KCNQ3: variants seen among roughly 807,000 people sequenced by gnomAD.
KCNQ3 encodes potassium voltage-gated channel subfamily Q member 3.
A neutral mutation model predicts 92.5 loss-of-function variants in KCNQ3; 30 were observed. The ratio of observed to expected loss-of-function variants is 0.32; its 90% confidence interval spans 0.24 to 0.44. The LOEUF is 0.44. Ranked by LOEUF, KCNQ3 falls within the 20% of genes least tolerant of loss-of-function variation. The pLI, the probability that KCNQ3 is intolerant of heterozygous loss-of-function variation, is 1.00. For synonymous variants in KCNQ3, 450 were observed against 468.8 expected (o/e 0.96, Z 0.52); for missense variants, 913 against 1,140.3 (o/e 0.80, Z 2.87).
At chr8:132,420,102 A>T (rs1366206851) in intron 1 of KCNQ3, among the ~76,000 whole-genome samples, 3 of 152,110 alleles carry the variant, frequency 2.0e-5, no homozygotes, top group African/African-American at 7.2e-5. Flanking sequence ...GTGCAGACTG[A>T]CACCTTCTCC....
At chr8:132,303,623 TATATATATGG>T (rs1563849816) in intron 1 of KCNQ3, among the ~76,000 whole-genome samples, 1 of 64,172 alleles carries the variant, frequency 1.6e-5, no homozygotes, top group African/African-American at 8.4e-5. Context: ...TATATATATA[TATATATATGG>T]TGTATATATA....
At chr8:132,347,176 T>C (rs997424766) in intron 1 of KCNQ3, among the ~76,000 whole-genome samples, 2 of 152,198 alleles carry the variant, frequency 1.3e-5, no homozygotes, top group African/African-American at 4.8e-5. Flanking sequence ...AAATAAGTTA[T>C]GGTAAACAAA....
intron 1 of KCNQ3, among the ~76,000 whole-genome samples, chr8:132,322,985 C>T (rs1038727699): frequency 1.3e-5 from 2 of 152,146 alleles, no homozygotes; most frequent in Non-Finnish European, 2.9e-5. Context: ...CCCTTTGTTT[C>T]AGAGAGCAGT....
chr8:132,379,490 A>G (rs528295360), intron 1 of KCNQ3, among the ~76,000 whole-genome samples: 1 of 152,176 alleles, frequency 6.6e-6, no homozygotes, highest in South Asian at 2.1e-4. Flanking sequence ...TTTTCTGTAC[A>G]TAACATGCAC....
intron 1 of KCNQ3, among the ~76,000 whole-genome samples, chr8:132,231,205 C>A (rs887607251): frequency 6.6e-6 from 1 of 152,174 alleles, no homozygotes. Context: ...CCTGTCAATA[C>A]CTTGATTTCA....
chr8:132,186,002 C>T (rs890629485), intron 2 of KCNQ3, 89 bp downstream of exon 2: 3 of 930,398 alleles, frequency 3.2e-6, no homozygotes, highest in African/African-American at 1.6e-5. Flanking sequence ...AAGCTGCAAC[C>T]AGTCAGGGAG....
intron 1 of KCNQ3, among the ~76,000 whole-genome samples, chr8:132,200,897 T>C (rs1467280310): frequency 6.6e-6 from 1 of 152,150 alleles, no homozygotes; most frequent in African/African-American, 2.4e-5. Context: ...CCTTTTTCGG[T>C]TGCTATAACA....
rs1369443312 is a variant in KCNQ3 at position 132,133,600 on chromosome 8, C to T, written c.1799+690G>A. 9.9e-5 allele frequency among the ~76,000 whole-genome samples: 15 copies of T among 152,232 alleles called. No homozygotes were observed. In the East Asian group the frequency reaches 2.9e-3, roughly 29 times the overall value. ...CGAGCTCCTGACCTCATGATCCACC[C>T]GCCTCAGCCTCCTGAAGGGCTGGGA... is the stretch of plus-strand genomic sequence containing the variant. On this transcript the variant is annotated intron_variant, in intron 13 of 14. Coordinates refer to ENST00000388996, the MANE Select transcript of KCNQ3 (RefSeq NM_004519.4).
At chr8:132,401,787 C>T (rs902125062) in intron 1 of KCNQ3, among the ~76,000 whole-genome samples, 6 of 152,220 alleles carry the variant, frequency 3.9e-5, no homozygotes, top group African/African-American at 1.4e-4. Flanking sequence ...AGTGCTGATG[C>T]AAAACGAAAT....
chr8:132,255,986 C>CCA (rs1815572700), intron 1 of KCNQ3, among the ~76,000 whole-genome samples: 1 of 108,882 alleles, frequency 9.2e-6, no homozygotes, highest in South Asian at 3.5e-4. Flanking sequence ...ATAAACAAAC[C>CCA]AAAAAAACAG....
intron 1 of KCNQ3, among the ~76,000 whole-genome samples, chr8:132,340,169 T>C (rs1818485606): frequency 6.6e-6 from 1 of 152,170 alleles, no homozygotes; most frequent in Admixed American, 6.5e-5. Flanking sequence ...GGTAGGAGTG[T>C]AAATTAGTTC....
chr8:132,150,718 T>C (rs1372831854), intron 9 of KCNQ3, among the ~76,000 whole-genome samples: 1 of 152,126 alleles, frequency 6.6e-6, no homozygotes, highest in Non-Finnish European at 1.5e-5. Flanking sequence ...GTTTTCTTCA[T>C]GGAACCCCAG....
At chr8:132,233,719 G>A (rs1215430575) in intron 1 of KCNQ3, among the ~76,000 whole-genome samples, 2 of 151,998 alleles carry the variant, frequency 1.3e-5, no homozygotes, top group African/African-American at 2.4e-5. Context: ...CAGCCTAAAC[G>A]GGTCCCTCAT....
intron 1 of KCNQ3, among the ~76,000 whole-genome samples, chr8:132,204,727 G>A (rs112607341): frequency 8.3e-4 from 126 of 152,306 alleles, no homozygotes; most frequent in African/African-American, 2.6e-3. Context: ...ACTTGGTCAC[G>A]TTGCCTCATC....
At chr8:132,362,260 C>T (rs1351477839) in intron 1 of KCNQ3, among the ~76,000 whole-genome samples, 2 of 152,102 alleles carry the variant, frequency 1.3e-5, no homozygotes, top group Non-Finnish European at 2.9e-5. Flanking sequence ...AACCTTTCTA[C>T]ATCTTAGTTT....
intron 1 of KCNQ3, among the ~76,000 whole-genome samples, chr8:132,262,971 C>A (rs1391065004): frequency 2.6e-5 from 4 of 152,088 alleles, no homozygotes; most frequent in Admixed American, 6.5e-5. Flanking sequence ...AGTCAAGGGA[C>A]CTGAAGCTCT....
chr8:132,480,646 G>T lies in KCNQ3; in HGVS notation c.-114C>A. ...CGGCTGCAAGCCCGGGAACTCCAAT[G>T]CCATGATCCGCGCGCCCCTCCCCAC... On this transcript the variant is annotated 5_prime_UTR_variant, in exon 1 of 15. Transcript: ENST00000388996. 9.4e-7 allele frequency: 1 copy of T among 1,067,584 alleles called. No individual in the cohort carries two copies. Among genetic ancestry groups the T allele is most frequent in the Non-Finnish European group, 1.2e-6 (1 of 860,362 alleles). The allele number at this position is 1,067,584 out of a possible 1,614,324, so 66.1% of individuals were successfully genotyped here.
chr8:132,122,248 G>A lies in KCNQ3; in HGVS notation c.*7014C>T, dbSNP rs1423600309. 47 of 152,140 alleles carry A rather than the reference G, an allele frequency of 3.1e-4. No homozygotes were observed. The highest frequency in any genetic ancestry group is 2.9e-3 in the Admixed American group (44 of 15,280). 9.4% of individuals were successfully genotyped at this position (152,140 alleles called of 1,614,324 possible). ...AATAACATCTCCCTCATGGGGTTGC[G>A]ATGAGGATTGCATGAACTTTAGAGA... On this transcript the variant is annotated 3_prime_UTR_variant, in exon 15 of 15. Transcript: ENST00000388996.
chr8:132,188,125 G>C (rs1332014016), intron 1 of KCNQ3, among the ~76,000 whole-genome samples: 1 of 152,186 alleles, frequency 6.6e-6, no homozygotes, highest in Non-Finnish European at 1.5e-5. Flanking sequence ...AGGAAGCTCT[G>C]GTGCTTTTTA....
Sources: gnomAD v4.1 joint callset for allele counts (sites outside exome capture counted in the v4.1 genomes callset) on GRCh38, gnomAD v4.1.1 for gene constraint, MANE v1.5 for transcripts, NCBI Gene and HGNC (gene_info 2026-07-23, HGNC 2026-07-21) for gene names.